BRCA1: variants seen among roughly 807,000 people sequenced by gnomAD.
The protein encoded by BRCA1 is BRCA1 DNA repair associated.
A neutral mutation model predicts 173.7 loss-of-function variants in BRCA1; 140 were observed. The observed-to-expected ratio is 0.81, with a 90% confidence interval of 0.70 to 0.93. BRCA1 has a LOEUF of 0.93. BRCA1 is among the 40% of genes least tolerant of loss of function. The pLI is 0.00. For synonymous variants in BRCA1, 662 were observed against 756.0 expected (o/e 0.88, Z 2.04); for missense variants, 1,983 against 2,172.5 (o/e 0.91, Z 1.73).
At chr17:43,074,564 T>C (rs1252919941) in intron 13 of BRCA1, 43 bp from the exon 14 acceptor site, 1 of 1,549,720 alleles carries the variant, frequency 6.5e-7, no homozygotes, top group Non-Finnish European at 8.9e-7. Flanking sequence ...CCACCAATTG[T>C]GAAAGGACAA....
chr17:43,157,425 C>T (rs2056204266), intron 1 of BRCA1, among the ~76,000 whole-genome samples: 1 of 152,198 alleles, frequency 6.6e-6, no homozygotes, highest in African/African-American at 2.4e-5. Context: ...TAAGGCCTGG[C>T]GCGGAGGCTC....
chr17:43,100,594 ATTATAT>A (rs2054361822), intron 6 of BRCA1, among the ~76,000 whole-genome samples: 1 of 20,682 alleles, frequency 4.8e-5, no homozygotes, highest in Non-Finnish European at 2.7e-4. Context: ...ACATATATAT[ATTATAT>A]ATATATAACA....
intron 1 of BRCA1, among the ~76,000 whole-genome samples, chr17:43,137,249 G>T (rs577511035): frequency 7.6e-6 from 1 of 131,526 alleles, no homozygotes; most frequent in African/African-American, 2.8e-5. Context: ...GACACAGGGT[G>T]GGGAACATCA....
chr17:43,072,725 T>C (rs1271303007), intron 14 of BRCA1, among the ~76,000 whole-genome samples: 1 of 151,746 alleles, frequency 6.6e-6, no homozygotes, highest in Non-Finnish European at 1.5e-5. Flanking sequence ...CCACCAAGCC[T>C]GGCTAATTTT....
chr17:43,045,099 C>G lies in BRCA1; in HGVS notation c.*579G>C, dbSNP rs1200325306. On this transcript the variant is annotated 3_prime_UTR_variant, in exon 23 of 23. Coordinates refer to ENST00000357654, the MANE Select transcript of BRCA1 (RefSeq NM_007294.4). ...GATTACAGGCGTGAGCCACCATGCC[C>G]AGGTTTCAAGTTTCCTTTTCATTTC... is the stretch of plus-strand genomic sequence containing the variant. 1.9e-6 allele frequency: 1 copy of G among 531,118 alleles called. No individual in the cohort carries two copies. Among genetic ancestry groups the G allele is most frequent in the African/African-American group, 1.9e-5 (1 of 53,794 alleles). The allele number at this position is 531,118 out of a possible 1,614,324, so 32.9% of individuals were successfully genotyped here. A position where few individuals can be genotyped will look rare whatever the true frequency, so the allele number is the denominator to read the frequency against.
At position 43,104,861 on chromosome 17, in the gene BRCA1, C is replaced by A. The variant is rs80358113; in HGVS notation, c.301+7G>T. ...TGAGTGTCATTCTTGGGATATTCAA[C>A]ACTTACACTCCAAACCTGTGTCAAG... On this transcript the variant is annotated splice_region_variant and intron_variant, in intron 5 of 22. Transcript: ENST00000357654. 1 of 1,610,954 alleles carries A rather than the reference C, an allele frequency of 6.2e-7. No homozygotes were observed. The highest frequency in any genetic ancestry group is 1.1e-5 in the South Asian group (1 of 91,008).
At chr17:43,131,089 T>C (rs1426487833) in intron 1 of BRCA1, 1 of 178,728 alleles carries the variant, frequency 5.6e-6, no homozygotes, top group Non-Finnish European at 1.3e-5. Flanking sequence ...TGTTGTCTTC[T>C]GATTTTGTGG....
intron 5 of BRCA1, among the ~76,000 whole-genome samples, 189 bp downstream of exon 5, chr17:43,104,679 A>C (rs569197348): frequency 6.6e-6 from 1 of 152,262 alleles, no homozygotes; most frequent in Non-Finnish European, 1.5e-5. Flanking sequence ...AAAAATGTGC[A>C]CCTTACGATT....
chr17:43,143,798 T>C (rs2056097381), intron 1 of BRCA1, among the ~76,000 whole-genome samples: 1 of 152,152 alleles, frequency 6.6e-6, no homozygotes, highest in African/African-American at 2.4e-5. Flanking sequence ...ACCAGTATGT[T>C]TTCTGAAATA....
intron 3 of BRCA1, 119 bp from the exon 4 acceptor site, chr17:43,106,652 A>G (rs1372219717): frequency 1.4e-6 from 1 of 731,074 alleles, no homozygotes; most frequent in Non-Finnish European, 2.3e-6. Context: ...GCCATTTAAA[A>G]AGTAATGGCA....
intron 18 of BRCA1, among the ~76,000 whole-genome samples, chr17:43,058,018 T>A (rs1161247846): frequency 9.5e-5 from 2 of 21,146 alleles, no homozygotes; most frequent in Non-Finnish European, 6.6e-5. Context: ...AAACTCTGTC[T>A]CAAAAAAAAA....
intron 1 of BRCA1, among the ~76,000 whole-genome samples, chr17:43,158,591 T>C (rs1420129539): frequency 1.3e-5 from 2 of 152,228 alleles, no homozygotes; most frequent in Non-Finnish European, 2.9e-5. Flanking sequence ...TTTCAACTTA[T>C]TTTTTGAATG....
intron 11 of BRCA1, 175 bp from the exon 12 acceptor site, chr17:43,082,750 T>C: frequency 2.9e-6 from 2 of 685,048 alleles, no homozygotes; most frequent in East Asian, 2.7e-5. Context: ...TTAATGCCCA[T>C]GAAATTATTT....
chr17:43,124,487 C>T (rs2055772846), intron 1 of BRCA1, among the ~76,000 whole-genome samples: 1 of 152,170 alleles, frequency 6.6e-6, no homozygotes, highest in African/African-American at 2.4e-5. Context: ...ACCAAACCAA[C>T]ACCAATCAAG....
chr17:43,055,221 C>G (rs1443853049), intron 19 of BRCA1, among the ~76,000 whole-genome samples: 1 of 152,250 alleles, frequency 6.6e-6, no homozygotes, highest in Non-Finnish European at 1.5e-5. Context: ...AAGTCATCTG[C>G]TACAATATGA....
At chr17:43,134,127 C>T (rs1016993352) in intron 1 of BRCA1, among the ~76,000 whole-genome samples, 8 of 152,214 alleles carry the variant, frequency 5.3e-5, no homozygotes, top group African/African-American at 1.9e-4. Context: ...TCCCTTGACC[C>T]TTTGCAGGTA....
intron 1 of BRCA1, chr17:43,161,248 A>G (rs2056233804): frequency 6.6e-6 from 1 of 152,206 alleles, no homozygotes; most frequent in Admixed American, 6.5e-5. Flanking sequence ...TATTTTTAAG[A>G]CAGCTTGTAA....
chr17:43,067,836 A>ATTTTTTT (rs11421283), intron 15 of BRCA1, 141 bp from the exon 16 acceptor site: 47 of 215,546 alleles, frequency 2.2e-4, no homozygotes, highest in Middle Eastern at 2.0e-3. Flanking sequence ...TTTAAAGTGA[A>ATTTTTTT]TTTTTTTTTT....
chr17:43,106,193 C>T (rs184213765), intron 4 of BRCA1, among the ~76,000 whole-genome samples: 63 of 151,676 alleles, frequency 4.2e-4, no homozygotes, highest in Admixed American at 2.8e-3. Flanking sequence ...GGGGGCACGG[C>T]GATACAGCCC....
Sources: allele counts gnomAD v4.1 joint callset (sites outside exome capture counted in the v4.1 genomes callset), GRCh38; gene constraint gnomAD v4.1.1; transcripts MANE v1.5; gene names NCBI Gene and HGNC (gene_info 2026-07-23, HGNC 2026-07-21).